Variants in CACNA1E observed in about 807,000 individuals in gnomAD.
The protein encoded by CACNA1E is calcium voltage-gated channel subunit alpha1 E, also known as voltage-dependent R-type calcium channel subunit alpha-1E.
A neutral mutation model predicts 259.2 loss-of-function variants in CACNA1E; 40 were observed. The ratio of observed to expected loss-of-function variants is 0.15; its 90% confidence interval spans 0.12 to 0.20. The LOEUF is 0.20. Among genes scored for constraint, CACNA1E ranks in the 10% least tolerant of loss-of-function variants. The probability of loss-of-function intolerance (pLI) is 1.00; values close to 1 mark genes in which losing one functional copy is unlikely to be tolerated. For missense variants in CACNA1E, 1,874 were observed against 3,040.1 expected (o/e 0.62, Z 9.02); for synonymous variants, 1,104 against 1,138.5 (o/e 0.97, Z 0.61).
Position 181,802,068 on chromosome 1 carries a change from C to CCAGCGACCTCTGGA in CACNA1E, c.*3238_*3251dup, listed in dbSNP as rs1355717314. 6.6e-6 allele frequency: 1 copy of CCAGCGACCTCTGGA among 152,210 alleles called. No individual in the cohort carries two copies. Among genetic ancestry groups the CCAGCGACCTCTGGA allele is most frequent in the Non-Finnish European group, 1.5e-5 (1 of 68,046 alleles). 9.4% of individuals were successfully genotyped at this position (152,210 alleles called of 1,614,324 possible). On this transcript the variant is annotated 3_prime_UTR_variant, in exon 48 of 48. Coordinates refer to ENST00000367573, the MANE Select transcript of CACNA1E (RefSeq NM_001205293.3). Reference sequence around the variant, plus strand: ...TCCCCATCTCCTAGAGGACAGAGTGCCAGCGACCTCTGGACAGGGGCAGGG... The same window carrying CCAGCGACCTCTGGA: ...TCCCCATCTCCTAGAGGACAGAGTGCCAGCGACCTCTGGACAGCGACCTCTGGACAGGGGCAGGG...
intron 7 of CACNA1E, among the ~76,000 whole-genome samples, chr1:181,699,130 T>C (rs1158675681): frequency 6.6e-6 from 1 of 152,216 alleles, no homozygotes; most frequent in African/African-American, 2.4e-5. Context: ...TTGTGACTCA[T>C]AGAGGTAACC....
intron 6 of CACNA1E, among the ~76,000 whole-genome samples, chr1:181,590,901 T>A (rs575353629): frequency 2.5e-4 from 38 of 152,348 alleles, no homozygotes; most frequent in African/African-American, 8.4e-4. Context: ...TTAAAATATA[T>A]CTTTTAACTA....
chr1:181,798,542 A>G lies in CACNA1E; in HGVS notation c.6650A>G (p.Gln2217Arg). The part of the protein sequence containing the change: ...LTESSNSPHP[Q>R]QSQHASPQRY... ...GAGTCTTCCAACTCTCCGCACCCCC[A>G]GCAGAGCCAACATGCCTCCCCACAG... is the stretch of plus-strand genomic sequence containing the variant. Residue 2217 changes from glutamine to arginine, a missense_variant, in exon 48 of 48, where the codon CAG becomes CGG. Around this residue, in one of 14 missense-constraint regions of CACNA1E, gnomAD observed 542 missense variants for 587.2 expected, o/e 0.92. Coordinates refer to ENST00000367573, the MANE Select transcript of CACNA1E (RefSeq NM_001205293.3). The surrounding 1 kb of genome is among the most constrained non-coding windows in gnomAD (Gnocchi z 4.2). 1 of 1,613,798 alleles carries G rather than the reference A, an allele frequency of 6.2e-7. No homozygotes were observed. Among genetic ancestry groups the G allele is most frequent in the South Asian group, 1.1e-5 (1 of 91,078 alleles).
chr1:181,711,429 C>T (rs1385336279), intron 8 of CACNA1E, among the ~76,000 whole-genome samples: 1 of 152,148 alleles, frequency 6.6e-6, no homozygotes, highest in African/African-American at 2.4e-5. Flanking sequence ...CTACTTTGTG[C>T]CAGACCCTGT....
chr1:181,767,594 C>T (rs940623182), intron 35 of CACNA1E, among the ~76,000 whole-genome samples: 1 of 152,208 alleles, frequency 6.6e-6, no homozygotes, highest in Non-Finnish European at 1.5e-5. Flanking sequence ...TTTCCAGACC[C>T]TTTCTGAAAT....
intron 1 of CACNA1E, among the ~76,000 whole-genome samples, chr1:181,371,500 C>G (rs1441422203): frequency 6.6e-6 from 1 of 152,114 alleles, no homozygotes; most frequent in African/African-American, 2.4e-5. Context: ...TTCTCAAACT[C>G]CTGAGCTCAA....
At chr1:181,438,748 T>G (rs1660253735) in intron 2 of CACNA1E, among the ~76,000 whole-genome samples, 1 of 152,244 alleles carries the variant, frequency 6.6e-6, no homozygotes, top group Admixed American at 6.5e-5. Flanking sequence ...GCATAACTGG[T>G]ACGCTTATTT....
chr1:181,451,320 T>C (rs1205035261), intron 2 of CACNA1E, among the ~76,000 whole-genome samples: 2 of 152,186 alleles, frequency 1.3e-5, no homozygotes, highest in Non-Finnish European at 2.9e-5. Flanking sequence ...TTAACATCCC[T>C]TCTGTGGAGA....
At chr1:181,323,304 T>C (rs1400551898) in intron 1 of CACNA1E, among the ~76,000 whole-genome samples, 1 of 152,240 alleles carries the variant, frequency 6.6e-6, no homozygotes, top group African/African-American at 2.4e-5. Context: ...ATTTCTTTTA[T>C]CAAATTATAT....
At chr1:181,626,993 G>T (rs1276902671) in intron 6 of CACNA1E, among the ~76,000 whole-genome samples, 2 of 152,160 alleles carry the variant, frequency 1.3e-5, no homozygotes, top group African/African-American at 4.8e-5. Flanking sequence ...AAAGGGTAAT[G>T]AGAGTGGTTA....
intron 3 of CACNA1E, among the ~76,000 whole-genome samples, chr1:181,562,444 C>G (rs1319090691): frequency 2.0e-5 from 3 of 152,108 alleles, no homozygotes; most frequent in Non-Finnish European, 4.4e-5. Context: ...GTCATCATCC[C>G]TTGCCTTTTT....
At chr1:181,503,686 C>G (rs770537391) in intron 1 of CACNA1E, among the ~76,000 whole-genome samples, 9 of 152,234 alleles carry the variant, frequency 5.9e-5, no homozygotes, top group Non-Finnish European at 1.0e-4. Context: ...CTGAAAGTAA[C>G]TGTATTTGTG....
intron 1 of CACNA1E, among the ~76,000 whole-genome samples, chr1:181,409,734 CA>C (rs1343350692): frequency 6.6e-6 from 1 of 152,116 alleles, no homozygotes; most frequent in African/African-American, 2.4e-5. Flanking sequence ...GTGGGGGCAA[CA>C]GACCCTCCTG....
chr1:181,469,048 T>G (rs1164481103), intron 2 of CACNA1E, among the ~76,000 whole-genome samples: 7 of 152,126 alleles, frequency 4.6e-5, no homozygotes, highest in Admixed American at 3.9e-4. Flanking sequence ...AACAAAAAAT[T>G]TATTAAAATT....
chr1:181,425,454 G>A (rs1659096822), intron 2 of CACNA1E, among the ~76,000 whole-genome samples: 1 of 152,050 alleles, frequency 6.6e-6, no homozygotes, highest in Non-Finnish European at 1.5e-5. Flanking sequence ...TTGTGGAGGA[G>A]GTGAACATAA....
intron 1 of CACNA1E, among the ~76,000 whole-genome samples, chr1:181,363,460 G>T (rs1404121645): frequency 2.6e-5 from 4 of 152,192 alleles, no homozygotes; most frequent in Non-Finnish European, 4.4e-5. Flanking sequence ...AATAAAGATT[G>T]ATATGCAAAT....
intron 2 of CACNA1E, among the ~76,000 whole-genome samples, chr1:181,438,189 A>G (rs953172780): frequency 2.0e-5 from 3 of 152,204 alleles, no homozygotes; most frequent in Non-Finnish European, 2.9e-5. Flanking sequence ...GTTTAGTAGC[A>G]TATGTCTCAG....
Position 181,804,849 on chromosome 1 carries a change from A to C in CACNA1E, c.*6015A>C, listed in dbSNP as rs762782609. The C allele has an allele frequency of 6.6e-6, 1 of 151,556 alleles. No individual in the cohort carries two copies. The highest frequency in any genetic ancestry group is 1.5e-5 in the Non-Finnish European group (1 of 67,898). 9.4% of individuals were successfully genotyped at this position (151,556 alleles called of 1,614,324 possible). On this transcript the variant is annotated 3_prime_UTR_variant, in exon 48 of 48. Coordinates refer to ENST00000367573, the MANE Select transcript of CACNA1E (RefSeq NM_001205293.3). ...TTAAGGAAACTTCCTGTTTAATGGA[A>C]TCTGAATCCAAGATTTGCTTTAATT...
chr1:181,559,466 T>G (rs1224683822), intron 3 of CACNA1E, among the ~76,000 whole-genome samples: 1 of 151,252 alleles, frequency 6.6e-6, no homozygotes. Flanking sequence ...AAAATAAAAG[T>G]GGGGAAAGGC....
Sources: allele counts gnomAD v4.1 joint callset (sites outside exome capture counted in the v4.1 genomes callset), GRCh38; gene constraint gnomAD v4.1.1; regional missense constraint gnomAD v4.1.1; non-coding constraint Gnocchi (gnomAD v3.1); transcripts MANE v1.5; gene names NCBI Gene and HGNC (gene_info 2026-07-23, HGNC 2026-07-21).